The following RARB variants were observed in gnomAD, a reference collection of about 807,000 sequenced individuals.
RARB encodes the protein retinoic acid receptor beta, also known as HBV-activated protein.
In RARB, 17 loss-of-function variants were observed where a neutral mutation model predicts 51.9. The observed-to-expected ratio is 0.33, with a 90% CI of 0.22 to 0.49. The LOEUF (loss-of-function observed/expected upper bound fraction) is 0.49, where lower values mean the gene tolerates loss of function less well. Ranked by LOEUF, RARB falls within the 20% of genes least tolerant of loss-of-function variation. The probability of loss-of-function intolerance (pLI) is 0.99; values close to 1 mark genes in which losing one functional copy is unlikely to be tolerated. For synonymous variants in RARB, 215 were observed against 195.4 expected (o/e 1.10, Z -0.84); for missense variants, 369 against 550.8 (o/e 0.67, Z 3.30).
At chr3:24,973,714 A>G (rs1696449875) in intron 2 of RARB, among the ~76,000 whole-genome samples, 1 of 151,988 alleles carries the variant, frequency 6.6e-6, no homozygotes. Context: ...CTTTGCAGCT[A>G]CTGTAAATGG....
intron 4 of RARB, among the ~76,000 whole-genome samples, chr3:25,140,463 C>T (rs1198487991): frequency 2.0e-5 from 3 of 152,076 alleles, no homozygotes; most frequent in East Asian, 1.9e-4. Context: ...GAAGTGGAGC[C>T]TAAATATGTG....
intron 4 of RARB, among the ~76,000 whole-genome samples, chr3:25,172,487 T>G (rs1347562): frequency 0.014 from 2,089 of 152,248 alleles, 48 homozygotes; most frequent in African/African-American, 0.048. Flanking sequence ...TCAATGAAAA[T>G]TATATTTGAT....
intron 3 of RARB, among the ~76,000 whole-genome samples, chr3:25,556,182 A>C (rs1255025654): frequency 2.6e-5 from 4 of 152,294 alleles, no homozygotes; most frequent in Admixed American, 2.6e-4. Flanking sequence ...AAAGTTCTGT[A>C]GGCCACAAAG....
intron 1 of RARB, among the ~76,000 whole-genome samples, chr3:25,450,811 T>C (rs9814190): frequency 0.65 from 99,360 of 151,854 alleles, 32,751 homozygotes; most frequent in East Asian, 0.82. Flanking sequence ...CCCGGCCGGG[T>C]GCGGTGGCTC....
chr3:24,914,178 G>C (rs563774933), intron 2 of RARB, among the ~76,000 whole-genome samples: 1 of 152,152 alleles, frequency 6.6e-6, no homozygotes, highest in Non-Finnish European at 1.5e-5. Context: ...ATAGCTCAGG[G>C]ATCTGAGACA....
chr3:25,045,926 A>T (rs565802408), intron 2 of RARB, among the ~76,000 whole-genome samples: 1 of 152,386 alleles, frequency 6.6e-6, no homozygotes, highest in South Asian at 2.1e-4. Flanking sequence ...TATTATACAT[A>T]GGAAAATGGT....
intron 2 of RARB, among the ~76,000 whole-genome samples, chr3:24,887,906 G>T (rs1033487885): frequency 6.6e-6 from 1 of 152,138 alleles, no homozygotes; most frequent in Non-Finnish European, 1.5e-5. Flanking sequence ...AGGTGGTGTG[G>T]TGGGATTGAG....
At position 24,867,777 on chromosome 3, in the gene RARB, G is replaced by T. The variant is rs75956902; in HGVS notation, c.-380+9025G>T. On this transcript the variant is annotated intron_variant, in intron 2 of 11. Transcript: ENST00000383772. ...TTCAGGTCCTGCCAGATTTTTAGTG[G>T]TCCATTAAGTTGAAAAATCAACTTT... Among the ~76,000 whole-genome samples the T allele has an allele frequency of 9.2e-3, 1,404 of 152,066 alleles. 23 individuals are homozygous for T. Among genetic ancestry groups the T allele is most frequent in the African/African-American group, 0.033 (1,350 of 41,476 alleles).
chr3:24,969,481 C>T (rs574790916), intron 2 of RARB, among the ~76,000 whole-genome samples: 2 of 152,186 alleles, frequency 1.3e-5, no homozygotes, highest in African/African-American at 4.8e-5. Context: ...CTAGGCCAGC[C>T]GTTGTTTTTC....
chr3:25,162,918 T>A (rs142154081), intron 4 of RARB, among the ~76,000 whole-genome samples: 1 of 152,348 alleles, frequency 6.6e-6, no homozygotes, highest in Non-Finnish European at 1.5e-5. Context: ...TGTTTTCAAT[T>A]CCCTTGACTG....
chr3:25,549,100 C>T (rs115929768), intron 3 of RARB, among the ~76,000 whole-genome samples: 106 of 151,534 alleles, frequency 7.0e-4, no homozygotes, highest in African/African-American at 2.3e-3. Context: ...ATCTGGTATG[C>T]GTATGAAATG....
chr3:24,901,820 G>T (rs898347887), intron 2 of RARB, among the ~76,000 whole-genome samples: 1 of 152,028 alleles, frequency 6.6e-6, no homozygotes, highest in Non-Finnish European at 1.5e-5. Flanking sequence ...CAGCCATTAG[G>T]CCGTTATGTA....
At chr3:25,549,374 G>A (rs1174644984) in intron 3 of RARB, among the ~76,000 whole-genome samples, 1 of 152,010 alleles carries the variant, frequency 6.6e-6, no homozygotes, top group Non-Finnish European at 1.5e-5. Flanking sequence ...GTAATTGATG[G>A]GCCAGTACTA....
At position 25,456,680 on chromosome 3, in the gene RARB, T is replaced by TAGAG. The variant is rs1457174762; in HGVS notation, c.158-4512_158-4511insGAGA. 7.4e-4 allele frequency among the ~76,000 whole-genome samples: 74 copies of TAGAG among 99,966 alleles called. 1 individual carries two copies. The highest frequency in any genetic ancestry group is 1.4e-3 in the Admixed American group (13 of 9,574). The allele number at this position is 99,966 out of a possible 152,430, so 65.6% of individuals were successfully genotyped here. On this transcript the variant is annotated intron_variant, in intron 1 of 7. Transcript: ENST00000330688. ...ATTTGAATATATATATATATATATATATAGAGAGAGAGAGAGAGAGAGAGA... is the reference window on the plus strand; with the variant it reads ...ATTTGAATATATATATATATATATATAGAGATAGAGAGAGAGAGAGAGAGAGAGA...
chr3:25,497,923 A>AT (rs953066444), intron 2 of RARB, among the ~76,000 whole-genome samples: 9 of 151,832 alleles, frequency 5.9e-5, no homozygotes, highest in African/African-American at 2.2e-4. Flanking sequence ...TAAGAAGCTT[A>AT]TTTTTTTTCT....
At chr3:25,336,594 G>A (rs1316757462) in intron 5 of RARB, among the ~76,000 whole-genome samples, 1 of 152,124 alleles carries the variant, frequency 6.6e-6, no homozygotes, top group Non-Finnish European at 1.5e-5. Context: ...CAGCTTTGGA[G>A]CGGGATAAGG....
At chr3:25,173,984 C>G (rs1383578150) in intron 4 of RARB, 1 of 154,896 alleles carries the variant, frequency 6.5e-6, no homozygotes, top group Non-Finnish European at 1.4e-5. Context: ...AATTAACACT[C>G]TTTGGGAAGC....
chr3:25,305,118 T>A (rs1307064662), intron 5 of RARB, among the ~76,000 whole-genome samples: 1 of 152,140 alleles, frequency 6.6e-6, no homozygotes, highest in Non-Finnish European at 1.5e-5. Context: ...CCCTCCTGCC[T>A]CTGGACGTAG....
intron 1 of RARB, among the ~76,000 whole-genome samples, chr3:25,431,616 A>G (rs1224998229): frequency 1.3e-5 from 2 of 152,194 alleles, no homozygotes; most frequent in Non-Finnish European, 2.9e-5. Flanking sequence ...CTCAGTGGGT[A>G]TAGGATAAAT....
Sources: allele counts gnomAD v4.1 joint callset (sites outside exome capture counted in the v4.1 genomes callset), GRCh38; gene constraint gnomAD v4.1.1; transcripts MANE v1.5; gene names NCBI Gene and HGNC (gene_info 2026-07-23, HGNC 2026-07-21).